The following CNGA4 variants were observed in gnomAD, a reference collection of about 807,000 sequenced individuals.
The protein encoded by CNGA4 is cyclic nucleotide-gated channel alpha-4.
A neutral mutation model predicts 45.6 loss-of-function variants in CNGA4; 32 were observed. That is an observed-to-expected ratio of 0.70 (90% CI 0.53 to 0.94). The LOEUF (loss-of-function observed/expected upper bound fraction) is 0.94. Ranked by LOEUF, CNGA4 falls within the 40% of genes least tolerant of loss-of-function variation. CNGA4 has a pLI of 0.00. For missense variants in CNGA4, 726 were observed against 755.1 expected, an observed-to-expected ratio of 0.96 and a Z score of 0.45; for synonymous variants, 293 against 304.6, an observed-to-expected ratio of 0.96 and a Z score of 0.40.
upstream of CNGA4, among the ~76,000 whole-genome samples, chr11:6,235,057 GAA>G (rs1324299312): frequency 1.3e-5 from 2 of 152,204 alleles, no homozygotes; most frequent in African/African-American, 4.8e-5. Context: ...GGAGCCGGAA[GAA>G]AGACGAGCGA....
upstream of CNGA4, chr11:6,239,055 G>T (rs771264377): frequency 2.2e-5 from 33 of 1,507,502 alleles, no homozygotes; most frequent in Non-Finnish European, 2.7e-5. Flanking sequence ...AGCTCTGGTT[G>T]TGTTGCTAAG....
At position 6,240,529 on chromosome 11, in the gene CNGA4, C is replaced by A; in HGVS notation, c.735C>A (p.Leu245=). The A allele has an allele frequency of 6.2e-7, 1 of 1,614,252 alleles. No individual in the cohort carries two copies. Among genetic ancestry groups the A allele is most frequent in the Non-Finnish European group, 8.5e-7 (1 of 1,180,048 alleles). The change falls in exon 4 of 6, where the codon CTC becomes CTA. Residue 245 remains leucine (L), a synonymous_variant. Coordinates refer to ENST00000379936, the MANE Select transcript of CNGA4 (RefSeq NM_001037329.4). The surrounding 1 kb of genome is among the most constrained non-coding windows in gnomAD (Gnocchi z 4.9). ...CGCCAGCCAGGGAAGAAGAGTACCT[C>A]TTCATGGTGGGCGACTTCCTGCTGG... ...TPPPAREEEY[L]FMVGDFLLAV...
Position 6,241,671 on chromosome 11 carries a change from C to T in CNGA4, c.1158C>T (p.Tyr386=), listed in dbSNP as rs1590653477. 6.2e-7 allele frequency: 1 copy of T among 1,614,198 alleles called. No homozygotes were observed. The highest frequency in any genetic ancestry group is 8.5e-7 in the Non-Finnish European group (1 of 1,180,048). Residue 386 remains tyrosine (Y), a synonymous_variant, in exon 5 of 6, where the codon TAC becomes TAT. Coordinates refer to ENST00000379936, the MANE Select transcript of CNGA4 (RefSeq NM_001037329.4). ...CRKGDIGQEM[Y]IIREGQLAVV... Reference sequence around the variant, plus strand: ...AAGGAGACATTGGCCAAGAGATGTACATCATCCGAGAGGGTCAACTGGCCG... The same window carrying T: ...AAGGAGACATTGGCCAAGAGATGTATATCATCCGAGAGGGTCAACTGGCCG...
Position 6,239,135 on chromosome 11 carries a change from C to A in CNGA4, c.-72C>A. Reference sequence around the variant, plus strand: ...TCCTTCAGGCAGTCAGGCACTAGTGCCCAACTCCAGAAGTCCCCTACAGGC... The same window carrying A: ...TCCTTCAGGCAGTCAGGCACTAGTGACCAACTCCAGAAGTCCCCTACAGGC... On this transcript the variant is annotated 5_prime_UTR_variant, in exon 1 of 6. Transcript: ENST00000379936. 6.2e-7 allele frequency: 1 copy of A among 1,609,938 alleles called. No individual in the cohort carries two copies. The highest frequency in any genetic ancestry group is 2.2e-5 in the East Asian group (1 of 44,846).
chr11:6,237,569 C>G (rs1847854846), upstream of CNGA4, among the ~76,000 whole-genome samples: 1 of 151,302 alleles, frequency 6.6e-6, no homozygotes, highest in South Asian at 2.1e-4. Context: ...AAAAAAAACA[C>G]CATCATAGAA....
Position 6,240,373 on chromosome 11 carries a change from C to T in CNGA4, c.579C>T (p.Tyr193=). The T allele has an allele frequency of 6.2e-7, 1 of 1,614,248 alleles. No individual in the cohort carries two copies. The highest frequency in any genetic ancestry group is 1.1e-5 in the South Asian group (1 of 91,090). ...NSCLYFALSR[Y]LGFGRDAWVY... is the part of the protein sequence containing the mutation. The stretch of plus-strand genomic sequence containing the variant: ...GCCTATACTTTGCCCTATCCCGGTA[C>T]CTGGGCTTCGGGCGTGACGCATGGG... The change falls in exon 4 of 6, where the codon TAC becomes TAT. Residue 193 remains tyrosine, a synonymous_variant. Coordinates refer to ENST00000379936, the MANE Select transcript of CNGA4 (RefSeq NM_001037329.4). This position sits in a 1 kb window ranked among gnomAD's most constrained non-coding sequence, Gnocchi z 4.9.
intron 5 of CNGA4, among the ~76,000 whole-genome samples, chr11:6,243,292 G>A (rs1590655080): frequency 1.3e-5 from 2 of 152,342 alleles, no homozygotes; most frequent in South Asian, 2.1e-4. Flanking sequence ...GGATTTACGG[G>A]AAGCATGGTG....
In CNGA4 at chr11:6,240,261, GCA is replaced by G; in HGVS notation, c.470_471del (p.Thr157ArgfsTer42). 6.2e-7 allele frequency: 1 copy of G among 1,614,212 alleles called. No individual in the cohort carries two copies. Among genetic ancestry groups the G allele is most frequent in the Non-Finnish European group, 8.5e-7 (1 of 1,180,024 alleles). On this transcript the variant is annotated frameshift_variant, in exon 4 of 6. Coordinates refer to ENST00000379936, the MANE Select transcript of CNGA4 (RefSeq NM_001037329.4). LOFTEE classifies it high-confidence loss of function. This position sits in a 1 kb window ranked among gnomAD's most constrained non-coding sequence, Gnocchi z 4.9. ...CCCCGCCTCTTCGAGGCCTTCGACC[GCA>G]CAGAGACCCGCACAGCTTACCCAAA...
chr11:6,240,610 G>C lies in CNGA4; in HGVS notation c.816G>C (p.Met272Ile). 6.2e-7 allele frequency: 1 copy of C among 1,614,202 alleles called. No homozygotes were observed. The highest frequency in any genetic ancestry group is 1.1e-5 in the South Asian group (1 of 91,088). ...MGSMSSVIYN[M>I]NTADAAFYPD... The stretch of plus-strand genomic sequence containing the variant: ...GCATGAGCTCTGTCATCTACAACAT[G>C]AACACTGCAGATGCGGCTTTCTACC... Residue 272 changes from methionine to isoleucine, a missense_variant, in exon 4 of 6, where the codon ATG (methionine) becomes ATC (isoleucine). Transcript: ENST00000379936. The surrounding 1 kb of genome is among the most constrained non-coding windows in gnomAD (Gnocchi z 4.9).
Position 6,241,666 on chromosome 11 carries a change from A to T in CNGA4, c.1153A>T (p.Met385Leu), listed in dbSNP as rs762664483. 6 of 1,614,054 alleles carry T rather than the reference A, an allele frequency of 3.7e-6. No homozygotes were observed. Among genetic ancestry groups the T allele is most frequent in the African/African-American group, 1.3e-5 (1 of 74,908 alleles). The change falls in exon 5 of 6, where the codon ATG becomes TTG. Residue 385 changes from methionine to leucine, a missense_variant. Met to Leu is a conservative substitution (Grantham distance 15, BLOSUM62 2). Coordinates refer to ENST00000379936, the MANE Select transcript of CNGA4 (RefSeq NM_001037329.4). The part of the protein sequence containing the change: ...VCRKGDIGQE[M>L]YIIREGQLAV... ...CCGCAAAGGAGACATTGGCCAAGAG[A>T]TGTACATCATCCGAGAGGGTCAACT...
intron 5 of CNGA4, chr11:6,242,070 GATA>G (rs1185174411): frequency 7.8e-4 from 358 of 460,874 alleles, no homozygotes; most frequent in South Asian, 1.5e-3. Context: ...CAGTGATAGA[GATA>G]ATAATAATAA....
rs749084871 is a variant in CNGA4 at position 6,244,209 on chromosome 11, A to G, written c.1528A>G (p.Lys510Glu). 3.7e-6 allele frequency: 6 copies of G among 1,614,236 alleles called. No homozygotes were observed. In the South Asian group the frequency reaches 6.6e-5, roughly 18 times the overall value. Residue 510 changes from lysine to glutamate, a missense_variant, in exon 6 of 6, where the codon AAG (lysine) becomes GAG (glutamate). Coordinates refer to ENST00000379936, the MANE Select transcript of CNGA4 (RefSeq NM_001037329.4). The surrounding 1 kb of genome is among the most constrained non-coding windows in gnomAD (Gnocchi z 4.5). Reference protein sequence around the residue: ...LDQQLDDLQTKFARLLAELES... With the variant: ...LDQQLDDLQTEFARLLAELES... ...CCAGCAGCTGGATGATCTACAGACC[A>G]AGTTTGCTCGCCTCCTGGCTGAGCT...
In CNGA4 at chr11:6,244,372, G is replaced by A; in HGVS notation, c.1691G>A (p.Gly564Asp). 1.2e-6 allele frequency: 2 copies of A among 1,613,588 alleles called. No homozygotes were observed. Among genetic ancestry groups the A allele is most frequent in the African/African-American group, 1.3e-5 (1 of 75,004 alleles). Residue 564 changes from glycine (G) to aspartate (D), a missense_variant, in exon 6 of 6, where the codon GGC (glycine) becomes GAC (aspartate). By Grantham distance (94) the Gly-to-Asp change is moderately conservative (BLOSUM62 -1). Coordinates refer to ENST00000379936, the MANE Select transcript of CNGA4 (RefSeq NM_001037329.4). The surrounding 1 kb of genome is among the most constrained non-coding windows in gnomAD (Gnocchi z 4.5). ...GAGGGAACTTCCAAAGATGAAGAGGGCAGGGCCAGCCAGGAGGGACCCCCA... is the reference window on the plus strand; with the variant it reads ...GAGGGAACTTCCAAAGATGAAGAGGACAGGGCCAGCCAGGAGGGACCCCCA... ...PEEGTSKDEE[G>D]RASQEGPPGP...
At position 6,244,393 on chromosome 11, in the gene CNGA4, C is replaced by G. The variant is rs1295089507; in HGVS notation, c.1712C>G (p.Pro571Arg). The G allele has an allele frequency of 6.2e-7, 1 of 1,611,472 alleles. No homozygotes were observed. Among genetic ancestry groups the G allele is most frequent in the East Asian group, 2.2e-5 (1 of 44,780 alleles). ...GAGGGCAGGGCCAGCCAGGAGGGAC[C>G]CCCAGGTCCAGAGTGACCCCATCCC... ...DEEGRASQEG[P>R]PGPE Residue 571 changes from proline (P) to arginine (R), a missense_variant, in exon 6 of 6, where the codon CCC becomes CGC. Transcript: ENST00000379936. The surrounding 1 kb of genome is among the most constrained non-coding windows in gnomAD (Gnocchi z 4.5).
rs749068188 is a variant in CNGA4 at position 6,244,272 on chromosome 11, C to T, written c.1591C>T (p.Arg531Trp). ...ACTTAAGATTGCTTACCGCATTGAA[C>T]GGCTGGAGTGGCAGACTCGAGAGTG... ...SALKIAYRIE[R>W]LEWQTREWPM... Residue 531 changes from arginine to tryptophan, a missense_variant, in exon 6 of 6, where the codon CGG becomes TGG. Physicochemically the swap from Arg to Trp is moderately radical, Grantham distance 101 (BLOSUM62 -3). Transcript: ENST00000379936. The surrounding 1 kb of genome is among the most constrained non-coding windows in gnomAD (Gnocchi z 4.5). 15 of 1,614,156 alleles carry T rather than the reference C, an allele frequency of 9.3e-6. No homozygotes were observed. The highest frequency in any genetic ancestry group is 6.6e-5 in the South Asian group (6 of 91,080).
chr11:6,236,644 TG>T (rs1847843569), upstream of CNGA4, among the ~76,000 whole-genome samples: 1 of 152,232 alleles, frequency 6.6e-6, no homozygotes, highest in Non-Finnish European at 1.5e-5. Flanking sequence ...GTGGGGCTCC[TG>T]AGGCACTGGT....
chr11:6,236,789 A>T (rs1847845369), upstream of CNGA4, among the ~76,000 whole-genome samples: 1 of 152,200 alleles, frequency 6.6e-6, no homozygotes, highest in African/African-American at 2.4e-5. Flanking sequence ...CTATGTGACA[A>T]ACCAACCCAA....
chr11:6,241,689 A>G lies in CNGA4; in HGVS notation c.1176A>G (p.Gln392=), dbSNP rs141724633. The change falls in exon 5 of 6, where the codon CAA becomes CAG. Residue 392 remains glutamine (Q), a synonymous_variant. Coordinates refer to ENST00000379936, the MANE Select transcript of CNGA4 (RefSeq NM_001037329.4). ...AGATGTACATCATCCGAGAGGGTCA[A>G]CTGGCCGTGGTGGCAGATGATGGTA... The part of the protein sequence containing the change: ...GQEMYIIREG[Q]LAVVADDGIT... 9.1e-5 allele frequency: 147 copies of G among 1,614,116 alleles called. 1 individual carries two copies. The highest frequency in any genetic ancestry group is 1.2e-4 in the Non-Finnish European group (136 of 1,180,054).
In CNGA4 at chr11:6,240,253, C is replaced by G; in HGVS notation, c.459C>G (p.Ala153=). 3 of 1,614,250 alleles carry G rather than the reference C, an allele frequency of 1.9e-6. No individual in the cohort carries two copies. Among genetic ancestry groups the G allele is most frequent in the Non-Finnish European group, 2.5e-6 (3 of 1,180,038 alleles). The change falls in exon 4 of 6, where the codon GCC becomes GCG. Residue 153 remains alanine (A), a synonymous_variant. Transcript: ENST00000379936. The surrounding 1 kb of genome is among the most constrained non-coding windows in gnomAD (Gnocchi z 4.9). ...TCCGCGCGCCCCGCCTCTTCGAGGCCTTCGACCGCACAGAGACCCGCACAG... is the reference window on the plus strand; with the variant it reads ...TCCGCGCGCCCCGCCTCTTCGAGGCGTTCGACCGCACAGAGACCCGCACAG... ...RFLRAPRLFE[A]FDRTETRTAY...
Sources: allele counts gnomAD v4.1 joint callset (sites outside exome capture counted in the v4.1 genomes callset), GRCh38; gene constraint gnomAD v4.1.1; non-coding constraint Gnocchi (gnomAD v3.1); transcripts MANE v1.5; gene names NCBI Gene and HGNC (gene_info 2026-07-23, HGNC 2026-07-21).